Variants in CYBRD1 observed in about 807,000 individuals in gnomAD.
CYBRD1 encodes the protein cytochrome b reductase 1, also known as plasma membrane ascorbate-dependent reductase CYBRD1.
A neutral mutation model predicts 21.9 loss-of-function variants in CYBRD1; 14 were observed. The ratio of observed to expected loss-of-function variants is 0.64; its 90% CI spans 0.42 to 1.00. The LOEUF is 1.00. Among genes scored for constraint, CYBRD1 ranks in the 50% least tolerant of loss-of-function variants. The pLI is 0.00. For missense variants in CYBRD1, 328 were observed against 352.5 expected, an observed-to-expected ratio of 0.93 and a Z score of 0.56; for synonymous variants, 146 against 136.5, an observed-to-expected ratio of 1.07 and a Z score of -0.48.
At chr2:171,538,437 T>G (rs912026817) in intron 1 of CYBRD1, among the ~76,000 whole-genome samples, 1 of 152,190 alleles carries the variant, frequency 6.6e-6, no homozygotes, top group Non-Finnish European at 1.5e-5. Context: ...AAAAGTGTAC[T>G]TTTTAAGGTA....
chr2:171,538,367 A>G (rs1422091532), intron 1 of CYBRD1, among the ~76,000 whole-genome samples: 1 of 152,212 alleles, frequency 6.6e-6, no homozygotes, highest in African/African-American at 2.4e-5. Flanking sequence ...AACCAGCAAG[A>G]CACATTAACG....
chr2:171,550,213 C>A (rs1012922516), intron 2 of CYBRD1, among the ~76,000 whole-genome samples: 4 of 152,184 alleles, frequency 2.6e-5, no homozygotes, highest in Non-Finnish European at 5.9e-5. Context: ...TCAAGCAATT[C>A]TCTTGCTTCA....
At chr2:171,533,912 G>C (rs1697509476) in intron 1 of CYBRD1, among the ~76,000 whole-genome samples, 1 of 151,764 alleles carries the variant, frequency 6.6e-6, no homozygotes. Context: ...CACCACATTG[G>C]CCAGGATGGT....
rs1487717073 is a variant in CYBRD1 at position 171,556,927 on chromosome 2, A to G, written c.*2100A>G. ...GGGATTAGATAGTGACTAAGCCGCC[A>G]GAATTGAGGTGGCCATTCCTTTTTG... On this transcript the variant is annotated 3_prime_UTR_variant, in exon 4 of 4. Coordinates refer to ENST00000321348, the MANE Select transcript of CYBRD1 (RefSeq NM_024843.4). 2.0e-5 allele frequency: 3 copies of G among 152,574 alleles called. No homozygotes were observed. The allele number at this position is 152,574 out of a possible 1,614,324, so 9.5% of individuals were successfully genotyped here.
chr2:171,533,085 G>A (rs1697493555), intron 1 of CYBRD1, among the ~76,000 whole-genome samples: 2 of 151,678 alleles, frequency 1.3e-5, no homozygotes, highest in Admixed American at 1.3e-4. Flanking sequence ...GAATTATTTG[G>A]GCCGGGCATG....
chr2:171,525,895 C>T (rs1018783458), intron 1 of CYBRD1, among the ~76,000 whole-genome samples: 12 of 139,752 alleles, frequency 8.6e-5, no homozygotes, highest in African/African-American at 3.0e-4. Flanking sequence ...TGCGGTGAGT[C>T]GAGATCTTGC....
chr2:171,550,911 G>A (rs16859480), intron 2 of CYBRD1: 3,793 of 165,830 alleles, frequency 0.023, 137 homozygotes, highest in African/African-American at 0.085. Flanking sequence ...ATGATTTATG[G>A]AGATATATTT....
At chr2:171,532,851 T>C (rs1697488255) in intron 1 of CYBRD1, among the ~76,000 whole-genome samples, 1 of 150,014 alleles carries the variant, frequency 6.7e-6, no homozygotes, top group East Asian at 2.0e-4. Flanking sequence ...GATATGTTAA[T>C]TAGCTTGATT....
chr2:171,529,531 C>CA (rs57600338), intron 1 of CYBRD1, among the ~76,000 whole-genome samples: 31,756 of 69,232 alleles, frequency 0.46, 7,616 homozygotes, highest in Non-Finnish European at 0.55. Context: ...AACTCTGTCT[C>CA]AAAAAAAAAA....
At chr2:171,544,441 C>T (rs1387786904) in intron 2 of CYBRD1, among the ~76,000 whole-genome samples, 1 of 152,054 alleles carries the variant, frequency 6.6e-6, no homozygotes, top group Admixed American at 6.5e-5. Context: ...CTTCTCTACC[C>T]TGAGGTCAAA....
chr2:171,545,021 C>T (rs897015978), intron 2 of CYBRD1, among the ~76,000 whole-genome samples: 1 of 151,772 alleles, frequency 6.6e-6, no homozygotes, highest in Non-Finnish European at 1.5e-5. Context: ...CACCTGTGGT[C>T]CCAGCTACTC....
intron 2 of CYBRD1, among the ~76,000 whole-genome samples, chr2:171,552,996 C>T (rs75003144): frequency 0.02 from 3,003 of 152,160 alleles, 46 homozygotes; most frequent in Non-Finnish European, 0.032. Context: ...CAGAAACATC[C>T]ATAGAGAACT....
In CYBRD1 at chr2:171,555,463, ATCT is replaced by A. The variant is rs1363229344; in HGVS notation, c.*640_*642del. The A allele has an allele frequency of 6.5e-6, 1 of 152,802 alleles. No individual in the cohort carries two copies. Among genetic ancestry groups the A allele is most frequent in the African/African-American group, 2.4e-5 (1 of 41,410 alleles). The allele number at this position is 152,802 out of a possible 1,614,324, so 9.5% of individuals were successfully genotyped here. A position where few individuals can be genotyped will look rare whatever the true frequency, so the allele number is the denominator to read the frequency against. Reference sequence around the variant, plus strand: ...TAGATTAGAGCAGGTGGTTGAAGAGATCTTCTCTGGTCAGACTTGGAAGAATTT... The same window carrying A: ...TAGATTAGAGCAGGTGGTTGAAGAGATCTCTGGTCAGACTTGGAAGAATTT... On this transcript the variant is annotated 3_prime_UTR_variant, in exon 4 of 4. Transcript: ENST00000321348.
chr2:171,522,780 A>C lies in CYBRD1; in HGVS notation c.193+42A>C. 6.2e-7 allele frequency: 1 copy of C among 1,611,448 alleles called. No homozygotes were observed. The highest frequency in any genetic ancestry group is 1.1e-5 in the South Asian group (1 of 90,364). ...GGGGGGTGCGGGGAGGAAAGCGGGG[A>C]GAACGGCGGGGGCAGAGGGTCCTCC... is the stretch of plus-strand genomic sequence containing the variant. On this transcript the variant is annotated intron_variant, in intron 1 of 3. Transcript: ENST00000321348. The surrounding 1 kb of genome is among the most constrained non-coding windows in gnomAD (Gnocchi z 4.3).
At chr2:171,533,844 A>G (rs780333758) in intron 1 of CYBRD1, among the ~76,000 whole-genome samples, 8 of 147,522 alleles carry the variant, frequency 5.4e-5, no homozygotes, top group Admixed American at 2.1e-4. Flanking sequence ...CACTGGGACT[A>G]CAGGTGTGAG....
At position 171,557,282 on chromosome 2, in the gene CYBRD1, A is replaced by G. The variant is rs1394347875; in HGVS notation, c.*2455A>G. 6.6e-6 allele frequency: 1 copy of G among 152,208 alleles called. No homozygotes were observed. The highest frequency in any genetic ancestry group is 1.5e-5 in the Non-Finnish European group (1 of 68,042). The allele number at this position is 152,208 out of a possible 1,614,324, so 9.4% of individuals were successfully genotyped here. On this transcript the variant is annotated 3_prime_UTR_variant, in exon 4 of 4. Coordinates refer to ENST00000321348, the MANE Select transcript of CYBRD1 (RefSeq NM_024843.4). The stretch of plus-strand genomic sequence containing the variant: ...AAAAATATCTCATTAAAAAGCCCAT[A>G]AATAATAGGGGAGAAGAAAGCCTTA...
At chr2:171,527,112 ATACC>A (rs908545670) in intron 1 of CYBRD1, among the ~76,000 whole-genome samples, 9 of 152,326 alleles carry the variant, frequency 5.9e-5, no homozygotes, top group African/African-American at 2.2e-4. Flanking sequence ...AGTGTCCCAA[ATACC>A]TACTCTAAAA....
chr2:171,552,740 T>C (rs1459230705), intron 2 of CYBRD1, among the ~76,000 whole-genome samples: 3 of 152,250 alleles, frequency 2.0e-5, no homozygotes. Context: ...GCGATTTCAT[T>C]ATCAAGGAAA....
At chr2:171,536,752 A>G (rs1354074026) in intron 1 of CYBRD1, among the ~76,000 whole-genome samples, 1 of 152,230 alleles carries the variant, frequency 6.6e-6, no homozygotes, top group Non-Finnish European at 1.5e-5. Flanking sequence ...GACTTTTAAT[A>G]TCAGAGATGA....
Sources: gnomAD v4.1 joint callset for allele counts (sites outside exome capture counted in the v4.1 genomes callset) on GRCh38, gnomAD v4.1.1 for gene constraint, Gnocchi (gnomAD v3.1) non-coding constraint, MANE v1.5 for transcripts, NCBI Gene and HGNC (gene_info 2026-07-23, HGNC 2026-07-21) for gene names.